Variants in RYR2 observed in about 807,000 individuals in gnomAD.
RYR2 encodes the protein ryanodine receptor 2.
RYR2 carries 227 observed loss-of-function variants against 601.1 expected under a neutral mutation model. That is an observed-to-expected ratio of 0.38 (90% confidence interval 0.34 to 0.42). The LOEUF is 0.42. RYR2 is among the 10% of genes least tolerant of loss of function. The pLI, the probability that RYR2 is intolerant of heterozygous loss-of-function variation, is 1.00. For missense variants in RYR2, 4,646 were observed against 6,156.5 expected (o/e 0.75, Z 8.21); for synonymous variants, 2,223 against 2,175.1 (o/e 1.02, Z -0.61).
At chr1:237,641,503 TTCTTTCTTTCTTTC>T in intron 47 of RYR2, among the ~76,000 whole-genome samples, 1 of 131,662 alleles carries the variant, frequency 7.6e-6, no homozygotes, top group East Asian at 2.1e-4. Context: ...CTTTCTTTCT[TTCTTTCTTTCTTTC>T]TTTCTTTCTT....
intron 37 of RYR2, among the ~76,000 whole-genome samples, chr1:237,616,286 T>A (rs962929359): frequency 9.8e-5 from 15 of 152,332 alleles, no homozygotes; most frequent in Non-Finnish European, 1.2e-4. Flanking sequence ...TAGATTTTTT[T>A]AAAAATTTGG....
intron 1 of RYR2, among the ~76,000 whole-genome samples, chr1:237,122,323 G>T (rs1670884441): frequency 6.6e-6 from 1 of 152,192 alleles, no homozygotes; most frequent in Non-Finnish European, 1.5e-5. Context: ...TGTTTCCTTT[G>T]CAAAAGATGA....
chr1:237,549,177 T>G (rs1572830655), intron 26 of RYR2, among the ~76,000 whole-genome samples: 1 of 152,208 alleles, frequency 6.6e-6, no homozygotes, highest in Non-Finnish European at 1.5e-5. Flanking sequence ...ATCATTTTGC[T>G]CTAGGCATCA....
chr1:237,226,267 G>A (rs762092139), intron 1 of RYR2, among the ~76,000 whole-genome samples: 10 of 152,012 alleles, frequency 6.6e-5, no homozygotes, highest in Non-Finnish European at 1.3e-4. Context: ...TGCGTATTTC[G>A]CCTCTCACTG....
chr1:237,276,154 TG>T (rs1572443320), intron 2 of RYR2, among the ~76,000 whole-genome samples: 1 of 152,308 alleles, frequency 6.6e-6, no homozygotes, highest in East Asian at 1.9e-4. Flanking sequence ...GGTTGGAGCG[TG>T]GTAGCACGAA....
intron 8 of RYR2, among the ~76,000 whole-genome samples, chr1:237,379,952 G>A (rs1160416904): frequency 1.3e-5 from 2 of 152,122 alleles, no homozygotes; most frequent in Non-Finnish European, 2.9e-5. Context: ...CAACAGGAAA[G>A]GCCAAGGACA....
chr1:237,577,585 G>T (rs1366685385), intron 29 of RYR2, among the ~76,000 whole-genome samples: 1 of 151,562 alleles, frequency 6.6e-6, no homozygotes, highest in Admixed American at 6.6e-5. Context: ...AGATCGATCT[G>T]GGAGTCAGGG....
At chr1:237,549,874 T>C (rs1241544403) in intron 26 of RYR2, among the ~76,000 whole-genome samples, 2 of 152,144 alleles carry the variant, frequency 1.3e-5, no homozygotes, top group Non-Finnish European at 1.5e-5. Flanking sequence ...TTCAGTTCTG[T>C]ACTCTAATAT....
Position 237,757,459 on chromosome 1 carries a change from A to G in RYR2, c.11246-238A>G, listed in dbSNP as rs192414994. On this transcript the variant is annotated intron_variant, in intron 81 of 104. Transcript: ENST00000366574. Reference sequence around the variant, plus strand: ...GTTGTCTTCCTATTCTGTTACTTCTATATCTTCTTATGGTTTCAGTTCTTA... The same window carrying G: ...GTTGTCTTCCTATTCTGTTACTTCTGTATCTTCTTATGGTTTCAGTTCTTA... Among the ~76,000 whole-genome samples the G allele has an allele frequency of 2.0e-3, 301 of 152,278 alleles. 1 individual carries two copies. The highest frequency in any genetic ancestry group is 6.9e-3 in the African/African-American group (288 of 41,578).
intron 6 of RYR2, among the ~76,000 whole-genome samples, chr1:237,371,648 G>C (rs751018946): frequency 2.6e-5 from 4 of 152,074 alleles, no homozygotes; most frequent in Non-Finnish European, 5.9e-5. Flanking sequence ...AGAAGACTAC[G>C]TATCAATAAC....
At chr1:237,493,653 C>T (rs527916636) in intron 19 of RYR2, among the ~76,000 whole-genome samples, 28 of 152,180 alleles carry the variant, frequency 1.8e-4, no homozygotes, top group East Asian at 1.7e-3. Flanking sequence ...AGGGTTTCAC[C>T]GTGTTAGCCA....
chr1:237,381,177 G>A (rs1274261438), intron 8 of RYR2, among the ~76,000 whole-genome samples: 9 of 149,768 alleles, frequency 6.0e-5, no homozygotes, highest in Admixed American at 1.3e-4. Context: ...CTGGGGAGGC[G>A]GAGGTTGCAA....
intron 2 of RYR2, among the ~76,000 whole-genome samples, chr1:237,300,621 C>G (rs967984324): frequency 6.6e-6 from 1 of 152,088 alleles, no homozygotes. Flanking sequence ...ATCTGCAAGA[C>G]AAAATTAGAT....
At chr1:237,071,827 T>C (rs1460735526) in intron 1 of RYR2, among the ~76,000 whole-genome samples, 2 of 152,206 alleles carry the variant, frequency 1.3e-5, no homozygotes, top group Non-Finnish European at 2.9e-5. Context: ...CCCACCCGGC[T>C]CCAGCCTTTC....
At chr1:237,162,093 A>T (rs1676079747) in intron 1 of RYR2, among the ~76,000 whole-genome samples, 3 of 152,194 alleles carry the variant, frequency 2.0e-5, no homozygotes, top group Non-Finnish European at 4.4e-5. Context: ...CAAATGTGAC[A>T]ACCAGGGCAT....
chr1:237,239,640 G>T (rs1327668011), intron 1 of RYR2, among the ~76,000 whole-genome samples: 1 of 152,194 alleles, frequency 6.6e-6, no homozygotes, highest in East Asian at 1.9e-4. Context: ...TTTGCAGCTT[G>T]ATTTTTCAGG....
At chr1:237,108,015 T>A (rs1433764820) in intron 1 of RYR2, among the ~76,000 whole-genome samples, 1 of 152,202 alleles carries the variant, frequency 6.6e-6, no homozygotes, top group Admixed American at 6.5e-5. Flanking sequence ...ATGTCCCCTG[T>A]GGGAGTAATT....
At chr1:237,387,936 G>C in intron 9 of RYR2, 151 bp from the exon 10 acceptor site, 1 of 619,410 alleles carries the variant, frequency 1.6e-6, no homozygotes, top group South Asian at 2.0e-5. Context: ...GGAACAGCAG[G>C]CACTGTCTAT....
intron 1 of RYR2, among the ~76,000 whole-genome samples, chr1:237,089,607 A>G (rs966922870): frequency 1.3e-5 from 2 of 152,228 alleles, no homozygotes; most frequent in Non-Finnish European, 2.9e-5. Context: ...ATACAGTGAA[A>G]TCCACACTAC....
Sources: allele counts gnomAD v4.1 joint callset (sites outside exome capture counted in the v4.1 genomes callset), GRCh38; gene constraint gnomAD v4.1.1; transcripts MANE v1.5; gene names NCBI Gene and HGNC (gene_info 2026-07-23, HGNC 2026-07-21).